Variants in LRP1B observed in about 807,000 individuals in gnomAD.
LRP1B encodes the protein low-density lipoprotein receptor-related protein 1B.
LRP1B carries 217 observed loss-of-function variants against 556.6 expected under a neutral mutation model. The ratio of observed to expected loss-of-function variants is 0.39; its 90% confidence interval spans 0.35 to 0.44. The LOEUF is 0.44. Among genes scored for constraint, LRP1B ranks in the 20% least tolerant of loss-of-function variants. The pLI is 1.00. For synonymous variants in LRP1B, 2,047 were observed against 1,865.8 expected (o/e 1.10, Z -2.50); for missense variants, 5,053 against 5,620.8 (o/e 0.90, Z 3.23).
chr2:140,357,024 G>C (rs1682255384), intron 74 of LRP1B, among the ~76,000 whole-genome samples: 1 of 151,650 alleles, frequency 6.6e-6, no homozygotes, highest in Non-Finnish European at 1.5e-5. Flanking sequence ...CATAATGGTT[G>C]GTCATAAGCT....
intron 1 of LRP1B, among the ~76,000 whole-genome samples, chr2:141,969,342 A>G (rs1250402711): frequency 6.6e-6 from 1 of 151,614 alleles, no homozygotes; most frequent in African/African-American, 2.4e-5. Context: ...GTTAAAAAAA[A>G]TACAAAACTC....
intron 29 of LRP1B, among the ~76,000 whole-genome samples, chr2:140,843,311 A>T (rs1272003750): frequency 6.6e-6 from 1 of 152,034 alleles, no homozygotes; most frequent in African/African-American, 2.4e-5. Context: ...TCCAGCTTTA[A>T]TATTACAATA....
At chr2:140,943,969 A>G (rs925847777) in intron 20 of LRP1B, among the ~76,000 whole-genome samples, 9 of 152,104 alleles carry the variant, frequency 5.9e-5, no homozygotes, top group Non-Finnish European at 8.8e-5. Context: ...CATACAAAGG[A>G]TCAGTGAAAG....
At chr2:141,282,207 A>T (rs973971433) in intron 3 of LRP1B, among the ~76,000 whole-genome samples, 8 of 152,026 alleles carry the variant, frequency 5.3e-5, no homozygotes, top group Non-Finnish European at 1.0e-4. Flanking sequence ...CAAAGTGTAT[A>T]TAAAGCACGT....
At chr2:141,685,851 T>C (rs903682611) in intron 2 of LRP1B, among the ~76,000 whole-genome samples, 1 of 152,044 alleles carries the variant, frequency 6.6e-6, no homozygotes, top group African/African-American at 2.4e-5. Context: ...TCTTCTTTCT[T>C]GGTCCATAAA....
intron 3 of LRP1B, among the ~76,000 whole-genome samples, chr2:141,464,800 T>C (rs1682117944): frequency 6.6e-6 from 1 of 151,542 alleles, no homozygotes; most frequent in African/African-American, 2.4e-5. Context: ...TCTAAAACCA[T>C]GTGGTAAGAA....
chr2:141,976,100 TAAG>T (rs1006749657), intron 1 of LRP1B, among the ~76,000 whole-genome samples: 21 of 152,198 alleles, frequency 1.4e-4, no homozygotes, highest in Non-Finnish European at 2.2e-4. Context: ...ATTTATCAAA[TAAG>T]AAGCAAAATA....
chr2:141,051,552 G>T (rs2105449889), intron 10 of LRP1B, among the ~76,000 whole-genome samples: 1 of 151,774 alleles, frequency 6.6e-6, no homozygotes, highest in Non-Finnish European at 1.5e-5. Context: ...AATATATAAA[G>T]AATAAAAATA....
chr2:141,025,242 T>C (rs989450133), intron 11 of LRP1B, among the ~76,000 whole-genome samples: 1 of 152,056 alleles, frequency 6.6e-6, no homozygotes, highest in Non-Finnish European at 1.5e-5. Context: ...AAGCAATAAA[T>C]GCAGATAGAT....
chr2:142,046,855 G>C (rs1307841273), intron 1 of LRP1B, among the ~76,000 whole-genome samples: 1 of 151,868 alleles, frequency 6.6e-6, no homozygotes, highest in Admixed American at 6.6e-5. Context: ...TTGAGGAAAG[G>C]GATTTGGAAA....
At chr2:140,347,934 G>A (rs1485168749) in intron 77 of LRP1B, among the ~76,000 whole-genome samples, 2 of 151,970 alleles carry the variant, frequency 1.3e-5, no homozygotes, top group East Asian at 1.9e-4. Flanking sequence ...AGAAGAACAC[G>A]TGTTTACATG....
intron 7 of LRP1B, among the ~76,000 whole-genome samples, chr2:141,133,996 T>C (rs12616964): frequency 0.99 from 150,972 of 151,932 alleles, 75,016 homozygotes; most frequent in Middle Eastern, 1. Flanking sequence ...AATACATGCA[T>C]ACCCAGAGAG....
At chr2:141,608,076 T>C (rs1357159260) in intron 2 of LRP1B, among the ~76,000 whole-genome samples, 2 of 151,766 alleles carry the variant, frequency 1.3e-5, no homozygotes, top group African/African-American at 4.8e-5. Flanking sequence ...AATACAAAAT[T>C]AGCTGGGTGT....
At chr2:141,752,255 C>T (rs907759908) in intron 2 of LRP1B, among the ~76,000 whole-genome samples, 2 of 151,882 alleles carry the variant, frequency 1.3e-5, no homozygotes, top group African/African-American at 4.8e-5. Context: ...TTTAAGTACA[C>T]GGAGAATTTT....
chr2:141,068,610 A>G (rs1477912659), intron 7 of LRP1B, among the ~76,000 whole-genome samples: 1 of 150,504 alleles, frequency 6.6e-6, no homozygotes, highest in Non-Finnish European at 1.5e-5. Flanking sequence ...GAACATGCCT[A>G]GTGCCAGGTA....
chr2:142,126,930 G>T (rs995012032), intron 1 of LRP1B, among the ~76,000 whole-genome samples: 12 of 151,738 alleles, frequency 7.9e-5, no homozygotes, highest in Non-Finnish European at 1.8e-4. Flanking sequence ...AAGGTAACTG[G>T]CAAGAAACTA....
chr2:141,801,220 C>T (rs1695995375), intron 2 of LRP1B, among the ~76,000 whole-genome samples: 1 of 152,046 alleles, frequency 6.6e-6, no homozygotes, highest in Non-Finnish European at 1.5e-5. Context: ...TACATTTCTA[C>T]TGTTTTCCTC....
intron 2 of LRP1B, among the ~76,000 whole-genome samples, chr2:141,544,112 G>T (rs1418320165): frequency 6.6e-6 from 1 of 152,014 alleles, no homozygotes; most frequent in Non-Finnish European, 1.5e-5. Context: ...TGATTCTCTA[G>T]AAATATTATC....
At chr2:142,043,806 T>A (rs1559039904) in intron 1 of LRP1B, among the ~76,000 whole-genome samples, 1 of 151,578 alleles carries the variant, frequency 6.6e-6, no homozygotes, top group Admixed American at 6.6e-5. Flanking sequence ...ACAGAGTGAG[T>A]AATTTTCTAG....
Sources: gnomAD v4.1 joint callset for allele counts (sites outside exome capture counted in the v4.1 genomes callset) on GRCh38, gnomAD v4.1.1 for gene constraint, MANE v1.5 for transcripts, NCBI Gene and HGNC (gene_info 2026-07-23, HGNC 2026-07-21) for gene names.